The following HSF5 variants were observed in gnomAD, a reference collection of about 807,000 sequenced individuals.
HSF5 encodes heat shock transcription factor 5.
Under a neutral mutation model 50.8 loss-of-function variants are expected in HSF5, and 5 were observed. The ratio of observed to expected loss-of-function variants is 0.10; its 90% CI spans 0.05 to 0.21. HSF5 has a LOEUF of 0.21. Among genes scored for constraint, HSF5 ranks in the 10% least tolerant of loss-of-function variants. The pLI, the probability that HSF5 is intolerant of heterozygous loss-of-function variation, is 1.00. For synonymous variants in HSF5, 307 were observed against 307.4 expected (o/e 1.00, Z 0.02); for missense variants, 564 against 762.6 (o/e 0.74, Z 3.07).
chr17:58,452,820 T>C (rs1974659322), intron 5 of HSF5, among the ~76,000 whole-genome samples: 1 of 152,128 alleles, frequency 6.6e-6, no homozygotes, highest in South Asian at 2.1e-4. Context: ...TCCCCAAGTT[T>C]GCATGTTCAA....
chr17:58,462,768 C>G lies in HSF5; in HGVS notation c.1542+14G>C, dbSNP rs1225675465. 8.3e-6 allele frequency: 13 copies of G among 1,559,278 alleles called. No individual in the cohort carries two copies. The highest frequency in any genetic ancestry group is 1.1e-5 in the Non-Finnish European group (13 of 1,157,508). ...CTTTGAGCTTTATAAGCATTTTTTT[C>G]TTTGCCCCCTTACCTGGTGTGTGCT... On this transcript the variant is annotated intron_variant, in intron 4 of 5. Coordinates refer to ENST00000323777, the MANE Select transcript of HSF5 (RefSeq NM_001080439.3).
intron 5 of HSF5, among the ~76,000 whole-genome samples, chr17:58,424,611 CA>C (rs56721938): frequency 0.023 from 1,632 of 70,114 alleles, 12 homozygotes; most frequent in African/African-American, 0.07. Context: ...GACTCCGTCT[CA>C]AAAAAAAAAA....
At chr17:58,456,441 G>A (rs1974714506) in intron 5 of HSF5, among the ~76,000 whole-genome samples, 1 of 152,054 alleles carries the variant, frequency 6.6e-6, no homozygotes, top group Admixed American at 6.6e-5. Context: ...GGGAGAAGTT[G>A]GTCAAAAGTT....
chr17:58,479,448 G>C (rs766641822), intron 2 of HSF5, among the ~76,000 whole-genome samples: 1 of 151,940 alleles, frequency 6.6e-6, no homozygotes, highest in Non-Finnish European at 1.5e-5. Flanking sequence ...GATTACAGGC[G>C]CCTGCCACCG....
intron 1 of HSF5, among the ~76,000 whole-genome samples, chr17:58,484,044 A>C (rs1360817288): frequency 2.0e-5 from 3 of 152,202 alleles, no homozygotes; most frequent in South Asian, 2.1e-4. Context: ...TGTATTCTTG[A>C]ATAACTTTGC....
At chr17:58,438,349 G>C (rs775244148) in intron 5 of HSF5, among the ~76,000 whole-genome samples, 26 of 152,130 alleles carry the variant, frequency 1.7e-4, no homozygotes, top group Non-Finnish European at 3.8e-4. Context: ...CATCATCTAG[G>C]TTTGTGTAAG....
At chr17:58,449,699 CA>C (rs200922146) in intron 5 of HSF5, among the ~76,000 whole-genome samples, 43,893 of 132,588 alleles carry the variant, frequency 0.33, 6,814 homozygotes, top group Admixed American at 0.43. Flanking sequence ...GGCTCCATCT[CA>C]AAAAAAAAAA....
intron 5 of HSF5, among the ~76,000 whole-genome samples, chr17:58,448,301 A>G (rs1187575143): frequency 6.6e-6 from 1 of 152,148 alleles, no homozygotes; most frequent in East Asian, 1.9e-4. Flanking sequence ...ATAAAGAAAA[A>G]GGGGTAGAAA....
Position 58,458,888 on chromosome 17 carries a change from G to A in HSF5, c.1600C>T (p.Gln534Ter), listed in dbSNP as rs758014403. The A allele has an allele frequency of 6.2e-7, 1 of 1,614,112 alleles. No homozygotes were observed. Among genetic ancestry groups the A allele is most frequent in the South Asian group, 1.1e-5 (1 of 91,082 alleles). ...ATTTCTGAAATGAGGAATCCCATCT[G>A]TTCTGACGGCAAGATATTCTCACGT... ...SSRENILPSE[Q>*]MGFLISEMGP... The change falls in exon 5 of 6, where the codon CAG becomes TAG. Residue 534 changes from glutamine to a stop codon, truncating the protein, a stop_gained. Coordinates refer to ENST00000323777, the MANE Select transcript of HSF5 (RefSeq NM_001080439.3). LOFTEE classifies it high-confidence loss of function.
chr17:58,466,614 G>T (rs1302461712), intron 3 of HSF5, among the ~76,000 whole-genome samples: 1 of 152,044 alleles, frequency 6.6e-6, no homozygotes, highest in Non-Finnish European at 1.5e-5. Flanking sequence ...GTATAACTGA[G>T]GAATTTTTAA....
chr17:58,471,586 G>T (rs1431521097), intron 2 of HSF5, among the ~76,000 whole-genome samples: 5 of 150,666 alleles, frequency 3.3e-5, no homozygotes, highest in African/African-American at 7.3e-5. Context: ...ATGCCAAAAT[G>T]GATATTTTCT....
chr17:58,440,992 T>A (rs1356992423), intron 5 of HSF5, among the ~76,000 whole-genome samples: 1 of 152,130 alleles, frequency 6.6e-6, no homozygotes, highest in Non-Finnish European at 1.5e-5. Flanking sequence ...GTGAACAACA[T>A]AATCAACACT....
intron 2 of HSF5, among the ~76,000 whole-genome samples, chr17:58,467,360 A>G (rs982798478): frequency 2.0e-5 from 3 of 152,234 alleles, no homozygotes; most frequent in Non-Finnish European, 2.9e-5. Flanking sequence ...AACTATTTGG[A>G]GGGTGGAGTG....
chr17:58,420,691 T>C lies in HSF5; in HGVS notation c.*1669A>G, dbSNP rs1184778738. ...TATTATATAGTCTGGCCAAAAGATATAGGTGTCTTGATAATTTGCTCTTTT... is the reference window on the plus strand; with the variant it reads ...TATTATATAGTCTGGCCAAAAGATACAGGTGTCTTGATAATTTGCTCTTTT... On this transcript the variant is annotated 3_prime_UTR_variant, in exon 6 of 6. Coordinates refer to ENST00000323777, the MANE Select transcript of HSF5 (RefSeq NM_001080439.3). 6.6e-6 allele frequency: 1 copy of C among 152,186 alleles called. No homozygotes were observed. The highest frequency in any genetic ancestry group is 1.9e-4 in the East Asian group (1 of 5,204). 9.4% of individuals were successfully genotyped at this position (152,186 alleles called of 1,614,324 possible). A position where few individuals can be genotyped will look rare whatever the true frequency, so the allele number is the denominator to read the frequency against.
At chr17:58,437,800 T>C (rs925729098) in intron 5 of HSF5, among the ~76,000 whole-genome samples, 1 of 152,210 alleles carries the variant, frequency 6.6e-6, no homozygotes, top group African/African-American at 2.4e-5. Flanking sequence ...GATGTCATAA[T>C]GTATCTGGTT....
intron 5 of HSF5, among the ~76,000 whole-genome samples, chr17:58,430,700 CTG>C (rs1974353569): frequency 6.6e-6 from 1 of 152,170 alleles, no homozygotes; most frequent in Admixed American, 6.5e-5. Context: ...TACACTTGGA[CTG>C]AGCTACACTG....
At position 58,427,379 on chromosome 17, in the gene HSF5, C is replaced by T. The variant is rs183774698; in HGVS notation, c.1721-4949G>A. 1.1e-3 allele frequency among the ~76,000 whole-genome samples: 166 copies of T among 152,174 alleles called. 1 individual carries two copies. The highest frequency in any genetic ancestry group is 0.01 in the Middle Eastern group (3 of 294). On this transcript the variant is annotated intron_variant, in intron 5 of 5. Coordinates refer to ENST00000323777, the MANE Select transcript of HSF5 (RefSeq NM_001080439.3). ...TTTTTAAATTTTTATAATTTAGTTA[C>T]GGAAGGGCACTGATAAGTTCTGCAA...
In HSF5 at chr17:58,462,732, A is replaced by G. The variant is rs761207434; in HGVS notation, c.1542+50T>C. 6.0e-6 allele frequency: 9 copies of G among 1,493,742 alleles called. No individual in the cohort carries two copies. In the African/African-American group the frequency reaches 9.8e-5, roughly 16 times the overall value. The allele number at this position is 1,493,742 out of a possible 1,614,324, so 92.5% of individuals were successfully genotyped here. A position where few individuals can be genotyped will look rare whatever the true frequency, so the allele number is the denominator to read the frequency against. ...CTCCACTAGAATAGTCTTTAGCAGA[A>G]GTACTAGGTACTTTGAGCTTTATAA... On this transcript the variant is annotated intron_variant, in intron 4 of 5. Transcript: ENST00000323777.
At chr17:58,450,251 A>G (rs536834976) in intron 5 of HSF5, among the ~76,000 whole-genome samples, 141 of 148,382 alleles carry the variant, frequency 9.5e-4, no homozygotes, top group Non-Finnish European at 1.8e-3. Context: ...AGGCACGAGA[A>G]TCATTTGAAC....
Sources: allele counts gnomAD v4.1 joint callset (sites outside exome capture counted in the v4.1 genomes callset), GRCh38; gene constraint gnomAD v4.1.1; transcripts MANE v1.5; gene names NCBI Gene and HGNC (gene_info 2026-07-23, HGNC 2026-07-21).